The following NSG2 variants were observed in gnomAD, a reference collection of about 807,000 sequenced individuals.
The protein encoded by NSG2 is neuronal vesicle trafficking-associated protein 2.
NSG2 carries 4 observed loss-of-function variants against 16.9 expected under a neutral mutation model. The observed-to-expected ratio is 0.24, with a 90% CI of 0.12 to 0.54. The LOEUF is 0.54. Ranked by LOEUF, NSG2 falls within the 20% of genes least tolerant of loss-of-function variation. The probability of loss-of-function intolerance (pLI) is 0.95; values close to 1 mark genes in which losing one functional copy is unlikely to be tolerated. For synonymous variants in NSG2, 98 were observed against 88.7 expected (o/e 1.11, Z -0.59); for missense variants, 179 against 221.1 (o/e 0.81, Z 1.21).
At chr5:174,076,932 G>A (rs529303112) in intron 3 of NSG2, among the ~76,000 whole-genome samples, 186 of 152,278 alleles carry the variant, frequency 1.2e-3, no homozygotes, top group African/African-American at 4.4e-3. Flanking sequence ...TCTAAAACCA[G>A]AAATCAAACC....
In NSG2 at chr5:174,072,444, C is replaced by T. The variant is rs1000250548; in HGVS notation, c.213+8129C>T. On this transcript the variant is annotated intron_variant, in intron 3 of 4. Coordinates refer to ENST00000303177, the MANE Select transcript of NSG2 (RefSeq NM_015980.5). The surrounding 1 kb of genome is among the most constrained non-coding windows in gnomAD (Gnocchi z 4.0). ...GGCCATCTCCCTATTCATCCCTCAA[C>T]ACCAAATGCACATGGCCTGGGCCTG... is the stretch of plus-strand genomic sequence containing the variant. 5.9e-5 allele frequency among the ~76,000 whole-genome samples: 9 copies of T among 152,360 alleles called. No homozygotes were observed. The East Asian group carries it at 7.7e-4, about 13-fold the overall frequency.
intron 3 of NSG2, among the ~76,000 whole-genome samples, chr5:174,091,644 GGTGTGTGTGTGTGTGTGTGTGTGT>G (rs35746227): frequency 4.3e-5 from 6 of 139,606 alleles, no homozygotes; most frequent in Admixed American, 1.4e-4. Flanking sequence ...AACTAGGACT[GGTGTGTGTGTGTGTGTGTGTGTGT>G]GTGTGTGTGT....
chr5:174,098,797 T>C (rs1327978802), intron 3 of NSG2, among the ~76,000 whole-genome samples: 1 of 151,708 alleles, frequency 6.6e-6, no homozygotes, highest in Admixed American at 6.6e-5. Context: ...GCTGAGTGAG[T>C]GGATGAGGGG....
intron 3 of NSG2, among the ~76,000 whole-genome samples, chr5:174,078,267 G>A (rs1245163246): frequency 1.3e-5 from 2 of 151,138 alleles, no homozygotes. Context: ...TACAGTACAC[G>A]CACACACACC....
chr5:174,081,789 C>A (rs1209374365), intron 3 of NSG2, among the ~76,000 whole-genome samples: 1 of 149,022 alleles, frequency 6.7e-6, no homozygotes, highest in Non-Finnish European at 1.5e-5. Context: ...ACTTGGGAGG[C>A]TGAGGCAGGA....
chr5:174,082,773 G>A (rs1254059527), intron 3 of NSG2: 3 of 152,204 alleles, frequency 2.0e-5, no homozygotes, highest in South Asian at 4.1e-4. Flanking sequence ...GGGCTATGAA[G>A]TACTATGGGG....
At chr5:174,085,659 T>C (rs1380417276) in intron 3 of NSG2, among the ~76,000 whole-genome samples, 2 of 152,186 alleles carry the variant, frequency 1.3e-5, no homozygotes, top group South Asian at 2.1e-4. Context: ...ATTTCCCGAG[T>C]TTCACTTTGT....
At chr5:174,082,794 T>C (rs1352375162) in intron 3 of NSG2, among the ~76,000 whole-genome samples, 1 of 152,200 alleles carries the variant, frequency 6.6e-6, no homozygotes, top group Non-Finnish European at 1.5e-5. Flanking sequence ...TATGGGACAG[T>C]TGTTCAAGTC....
intron 3 of NSG2, among the ~76,000 whole-genome samples, chr5:174,067,627 T>TA: frequency 6.6e-6 from 1 of 152,320 alleles, no homozygotes; most frequent in East Asian, 1.9e-4. Flanking sequence ...CTGCAAGAAT[T>TA]AATTAGCCTG....
chr5:174,046,968 A>C, intron 2 of NSG2, 84 bp downstream of exon 2: 11 of 1,391,150 alleles, frequency 7.9e-6, no homozygotes, highest in Non-Finnish European at 1.1e-5. Context: ...CACCCCCCAA[A>C]TCCTTTCATT....
intron 2 of NSG2, among the ~76,000 whole-genome samples, chr5:174,054,469 A>C (rs776633428): frequency 2.6e-5 from 4 of 152,130 alleles, no homozygotes; most frequent in Admixed American, 6.5e-5. Flanking sequence ...TGCAGTCGCG[A>C]ACTCTTGGGC....
At chr5:174,080,501 T>C (rs1258656222) in intron 3 of NSG2, among the ~76,000 whole-genome samples, 7 of 127,604 alleles carry the variant, frequency 5.5e-5, no homozygotes, top group African/African-American at 1.9e-4. Flanking sequence ...CTTTCCCTCT[T>C]TCTTTCTTTC....
At chr5:174,049,476 T>G (rs1413809961) in intron 2 of NSG2, among the ~76,000 whole-genome samples, 1 of 152,158 alleles carries the variant, frequency 6.6e-6, no homozygotes, top group Non-Finnish European at 1.5e-5. Context: ...CACTCACACA[T>G]GTGTGCAATT....
chr5:174,056,872 T>A (rs1759974727), intron 2 of NSG2, among the ~76,000 whole-genome samples: 1 of 152,248 alleles, frequency 6.6e-6, no homozygotes, highest in South Asian at 2.1e-4. Flanking sequence ...ATTTTTATGA[T>A]CTGTACTTTG....
At chr5:174,060,285 G>A (rs865989042) in intron 2 of NSG2, among the ~76,000 whole-genome samples, 28 of 152,076 alleles carry the variant, frequency 1.8e-4, no homozygotes, top group African/African-American at 6.5e-4. Flanking sequence ...GAATGGAAAC[G>A]GTTTTCAGAT....
intron 4 of NSG2, among the ~76,000 whole-genome samples, chr5:174,106,430 C>T (rs564995226): frequency 1.3e-5 from 2 of 152,176 alleles, no homozygotes; most frequent in East Asian, 1.9e-4. Flanking sequence ...ATTCTAGGGA[C>T]ACATGGAGTT....
At chr5:174,089,635 A>G (rs1025192938) in intron 3 of NSG2, among the ~76,000 whole-genome samples, 4 of 152,110 alleles carry the variant, frequency 2.6e-5, no homozygotes, top group Non-Finnish European at 5.9e-5. Context: ...TGTTGTTTGC[A>G]TGTTTGAGAC....
At chr5:174,098,133 TGAG>T (rs911316785) in intron 3 of NSG2, among the ~76,000 whole-genome samples, 3 of 152,232 alleles carry the variant, frequency 2.0e-5, no homozygotes, top group East Asian at 1.9e-4. Flanking sequence ...AGCTGAATGC[TGAG>T]GAGATGTTCT....
intron 3 of NSG2, among the ~76,000 whole-genome samples, chr5:174,093,620 A>G (rs1489900438): frequency 6.6e-6 from 1 of 152,158 alleles, no homozygotes; most frequent in Non-Finnish European, 1.5e-5. Flanking sequence ...TATTGTCAGG[A>G]TCTTTGGGGC....
Sources: gnomAD v4.1 joint callset for allele counts (sites outside exome capture counted in the v4.1 genomes callset) on GRCh38, gnomAD v4.1.1 for gene constraint, Gnocchi (gnomAD v3.1) non-coding constraint, MANE v1.5 for transcripts, NCBI Gene and HGNC (gene_info 2026-07-23, HGNC 2026-07-21) for gene names.